The following TRABD2B variants were observed in gnomAD, a reference collection of about 807,000 sequenced individuals.
TRABD2B encodes TraB domain containing 2B, also known as metalloprotease TIKI2.
Under a neutral mutation model 40.1 loss-of-function variants are expected in TRABD2B, and 14 were observed. That is an observed-to-expected ratio of 0.35 (90% CI 0.23 to 0.55). The LOEUF is 0.55. TRABD2B is among the 20% of genes least tolerant of loss of function. The pLI, the probability that TRABD2B is intolerant of heterozygous loss-of-function variation, is 0.90. For synonymous variants in TRABD2B, 263 were observed against 277.0 expected, an observed-to-expected ratio of 0.95 and a Z score of 0.50; for missense variants, 541 against 648.6, an observed-to-expected ratio of 0.83 and a Z score of 1.80.
intron 2 of TRABD2B, among the ~76,000 whole-genome samples, chr1:47,926,057 G>A (rs1172934093): frequency 6.6e-6 from 1 of 152,152 alleles, no homozygotes; most frequent in Non-Finnish European, 1.5e-5. Context: ...TTTTTGATAC[G>A]TAGAAATCTA....
intron 2 of TRABD2B, among the ~76,000 whole-genome samples, chr1:47,885,665 G>A (rs1052260316): frequency 2.6e-5 from 4 of 152,190 alleles, no homozygotes; most frequent in Non-Finnish European, 5.9e-5. Context: ...GGCCTTTCAA[G>A]TAGCTCGGTG....
chr1:47,952,086 G>A (rs1269806579), intron 2 of TRABD2B, among the ~76,000 whole-genome samples: 4 of 152,150 alleles, frequency 2.6e-5, no homozygotes, highest in African/African-American at 7.2e-5. Context: ...TTCCTCCCTG[G>A]CACTCACTGC....
At position 47,826,303 on chromosome 1, in the gene TRABD2B, T is replaced by G. The variant is rs566093408; in HGVS notation, c.667-24684A>C. Among the ~76,000 whole-genome samples, 5 of 152,326 alleles carry G rather than the reference T, an allele frequency of 3.3e-5. No individual in the cohort carries two copies. The East Asian group carries it at 9.6e-4, about 29-fold the overall frequency. ...TGGTTGTGGTTTAGCTCATGACATA[T>G]AATTTATTTAATATGAAATATATTT... On this transcript the variant is annotated intron_variant, in intron 2 of 6. Transcript: ENST00000606738.
intron 2 of TRABD2B, among the ~76,000 whole-genome samples, chr1:47,823,648 A>T (rs910389011): frequency 5.9e-5 from 9 of 152,128 alleles, no homozygotes; most frequent in African/African-American, 2.2e-4. Flanking sequence ...CTTGCTACAG[A>T]CTGAGAATGG....
intron 2 of TRABD2B, among the ~76,000 whole-genome samples, chr1:47,823,228 A>C (rs1015963399): frequency 1.3e-5 from 2 of 152,268 alleles, no homozygotes; most frequent in African/African-American, 2.4e-5. Context: ...CAGACGGCAG[A>C]AAGTCTGCCA....
chr1:47,997,075 G>T lies in TRABD2B; in HGVS notation c.-286C>A. 1 of 984,178 alleles carries T rather than the reference G, an allele frequency of 1.0e-6. No individual in the cohort carries two copies. Among genetic ancestry groups the T allele is most frequent in the Non-Finnish European group, 1.2e-6 (1 of 829,254 alleles). 61.0% of individuals were successfully genotyped at this position (984,178 alleles called of 1,614,324 possible). A position where few individuals can be genotyped will look rare whatever the true frequency, so the allele number is the denominator to read the frequency against. Reference sequence around the variant, plus strand: ...GTGCTGAGGGCGTGTTGGGGTCCGGGGGCGCGCGGGGTCCCGGAGCTGCGT... The same window carrying T: ...GTGCTGAGGGCGTGTTGGGGTCCGGTGGCGCGCGGGGTCCCGGAGCTGCGT... On this transcript the variant is annotated 5_prime_UTR_variant, in exon 1 of 7. Coordinates refer to ENST00000606738, the MANE Select transcript of TRABD2B (RefSeq NM_001194986.2).
chr1:47,954,500 T>C (rs1197795937), intron 2 of TRABD2B, among the ~76,000 whole-genome samples: 2 of 152,040 alleles, frequency 1.3e-5, no homozygotes, highest in Non-Finnish European at 2.9e-5. Context: ...TGACAGGTGC[T>C]ATGGAGAGGG....
intron 4 of TRABD2B, among the ~76,000 whole-genome samples, chr1:47,779,183 T>C (rs12406511): frequency 0.51 from 77,636 of 152,024 alleles, 20,327 homozygotes; most frequent in East Asian, 0.89. Flanking sequence ...CTCATCCACC[T>C]AGTACCTGTG....
intron 2 of TRABD2B, among the ~76,000 whole-genome samples, chr1:47,903,072 C>T (rs1644624302): frequency 1.3e-5 from 2 of 152,052 alleles, no homozygotes; most frequent in African/African-American, 4.8e-5. Context: ...AGGAGTGTTC[C>T]CAAGGCTGAG....
Position 47,773,809 on chromosome 1 carries a change from A to G in TRABD2B, c.1349+1361T>C, listed in dbSNP as rs561375932. Among the ~76,000 whole-genome samples, 6 of 152,324 alleles carry G rather than the reference A, an allele frequency of 3.9e-5. No homozygotes were observed. In the East Asian group the frequency reaches 1.2e-3, roughly 29 times the overall value. The stretch of plus-strand genomic sequence containing the variant: ...CAGAAGTACATTTCTCAGTAACCCA[A>G]GGTTCTCTGAAACCAATGCCCAAAG... On this transcript the variant is annotated intron_variant, in intron 6 of 6. Coordinates refer to ENST00000606738, the MANE Select transcript of TRABD2B (RefSeq NM_001194986.2).
intron 5 of TRABD2B, among the ~76,000 whole-genome samples, chr1:47,776,710 G>T (rs1258613588): frequency 6.6e-6 from 1 of 152,146 alleles, no homozygotes; most frequent in Admixed American, 6.5e-5. Flanking sequence ...AGCTTGCAAG[G>T]TTAGACAGTA....
chr1:47,974,483 C>G (rs1645726612), intron 2 of TRABD2B, among the ~76,000 whole-genome samples: 1 of 152,192 alleles, frequency 6.6e-6, no homozygotes, highest in African/African-American at 2.4e-5. Context: ...TGGTCCCTCT[C>G]TAGCCTACTG....
chr1:47,877,849 G>A (rs975086257), intron 2 of TRABD2B, among the ~76,000 whole-genome samples: 8 of 151,942 alleles, frequency 5.3e-5, no homozygotes, highest in African/African-American at 1.7e-4. Context: ...AAAATTAGCC[G>A]GGTGTGGTGG....
rs562505586 is a variant in TRABD2B at position 47,917,394 on chromosome 1, G to A, written c.666+76640C>T. Among the ~76,000 whole-genome samples, 11 of 152,240 alleles carry A rather than the reference G, an allele frequency of 7.2e-5. No individual in the cohort carries two copies. The East Asian group carries it at 1.9e-3, about 27-fold the overall frequency. ...AGAGGCTATTACCTCTGTCACTCAT[G>A]GGACACTCCTCCCAAGTTCTAATGG... On this transcript the variant is annotated intron_variant, in intron 2 of 6. Coordinates refer to ENST00000606738, the MANE Select transcript of TRABD2B (RefSeq NM_001194986.2).
Position 47,765,772 on chromosome 1 carries a change from T to G in TRABD2B, c.*130A>C, listed in dbSNP as rs1305695147. 2 of 697,302 alleles carry G rather than the reference T, an allele frequency of 2.9e-6. No individual in the cohort carries two copies. Among genetic ancestry groups the G allele is most frequent in the African/African-American group, 3.5e-5 (2 of 57,130 alleles). 43.2% of individuals were successfully genotyped at this position (697,302 alleles called of 1,614,324 possible). A position where few individuals can be genotyped will look rare whatever the true frequency, so the allele number is the denominator to read the frequency against. Reference sequence around the variant, plus strand: ...ACTTGGGTACAGTAAAGCTCTAGAGTGTCTAGCCAATCCCATGTGGACTGC... The same window carrying G: ...ACTTGGGTACAGTAAAGCTCTAGAGGGTCTAGCCAATCCCATGTGGACTGC... On this transcript the variant is annotated 3_prime_UTR_variant, in exon 7 of 7. Coordinates refer to ENST00000606738, the MANE Select transcript of TRABD2B (RefSeq NM_001194986.2).
chr1:47,863,372 T>TTATTTATATATATATATATATATATATA (rs568340180), intron 2 of TRABD2B, among the ~76,000 whole-genome samples: 4 of 66,494 alleles, frequency 6.0e-5, no homozygotes, highest in African/African-American at 1.6e-4. Context: ...CTATATAATT[T>TTATTTATATATATATATATATATATATA]TATATATATA....
chr1:47,768,888 T>G (rs1156289673), intron 6 of TRABD2B, among the ~76,000 whole-genome samples: 1 of 152,248 alleles, frequency 6.6e-6, no homozygotes, highest in Non-Finnish European at 1.5e-5. Flanking sequence ...GTGTGGAAAC[T>G]GAGCTTGAAG....
chr1:47,858,841 A>G (rs1478565667), intron 2 of TRABD2B, among the ~76,000 whole-genome samples: 4 of 152,192 alleles, frequency 2.6e-5, no homozygotes, highest in Non-Finnish European at 4.4e-5. Flanking sequence ...CCTCTAGAGA[A>G]AGGTCCTCAG....
chr1:47,792,205 C>T (rs895869355), intron 4 of TRABD2B, among the ~76,000 whole-genome samples: 2 of 152,214 alleles, frequency 1.3e-5, no homozygotes, highest in East Asian at 1.9e-4. Context: ...TACTGCTGGC[C>T]TATCCTTATA....
Sources: gnomAD v4.1 joint callset for allele counts (sites outside exome capture counted in the v4.1 genomes callset) on GRCh38, gnomAD v4.1.1 for gene constraint, MANE v1.5 for transcripts, NCBI Gene and HGNC (gene_info 2026-07-23, HGNC 2026-07-21) for gene names.